NCOA6: variants seen among roughly 807,000 people sequenced by gnomAD.
NCOA6 encodes the protein nuclear receptor coactivator 6.
NCOA6 carries 49 observed loss-of-function variants against 171.4 expected under a neutral mutation model. The observed-to-expected ratio is 0.29, with a 90% CI of 0.23 to 0.36. The LOEUF (loss-of-function observed/expected upper bound fraction) is 0.36, where lower values mean the gene tolerates loss of function less well. NCOA6 is among the 10% of genes least tolerant of loss of function. NCOA6 has a pLI of 1.00. For synonymous variants in NCOA6, 910 were observed against 927.5 expected, an observed-to-expected ratio of 0.98 and a Z score of 0.34; for missense variants, 2,248 against 2,554.5, an observed-to-expected ratio of 0.88 and a Z score of 2.59.
chr20:34,719,586 G>A (rs1378331171), intron 14 of NCOA6, among the ~76,000 whole-genome samples: 3 of 149,928 alleles, frequency 2.0e-5, no homozygotes, highest in African/African-American at 4.9e-5. Context: ...AGTTCAGATC[G>A]CACCACTGCA....
chr20:34,797,518 T>C (rs2078115435), intron 1 of NCOA6, among the ~76,000 whole-genome samples: 1 of 152,042 alleles, frequency 6.6e-6, no homozygotes, highest in Admixed American at 6.6e-5. Flanking sequence ...TGAGACATGC[T>C]GTCTTCAAGC....
chr20:34,782,189 A>G lies in NCOA6; in HGVS notation c.167T>C (p.Ile56Thr), dbSNP rs1296146794. The G allele has an allele frequency of 5.6e-6, 9 of 1,612,480 alleles. No individual in the cohort carries two copies. Among genetic ancestry groups the G allele is most frequent in the South Asian group, 1.1e-5 (1 of 90,886 alleles). The change falls in exon 3 of 15, where the codon ATA (isoleucine) becomes ACA (threonine). Residue 56 changes from isoleucine to threonine, a missense_variant. By Grantham distance (89) the Ile-to-Thr change is moderately conservative. Transcript: ENST00000359003. ...STIFVAFKGN[I>T]DDKDFKWKLD... Reference sequence around the variant, plus strand: ...TTTCCATTTGAAGTCTTTATCATCTATATTTCCTTTGAAGGCCACAAAAAT... The same window carrying G: ...TTTCCATTTGAAGTCTTTATCATCTGTATTTCCTTTGAAGGCCACAAAAAT...
At position 34,727,363 on chromosome 20, in the gene NCOA6, C is replaced by T. The variant is rs747116291; in HGVS notation, c.6044G>A (p.Arg2015Gln). Residue 2015 changes from arginine to glutamine, a missense_variant, in exon 14 of 15, where the codon CGA becomes CAA. Coordinates refer to ENST00000359003, the MANE Select transcript of NCOA6 (RefSeq NM_014071.5). ...TGGCTCTTCAGTTCGGGAGTTTCTT[C>T]GGCCTGGGATTTTGGACTTTTCAAC... is the stretch of plus-strand genomic sequence containing the variant. ...EIVEKSKIPG[R>Q]RNSRTEEPTV... is the part of the protein sequence containing the mutation. 8.7e-6 allele frequency: 14 copies of T among 1,614,036 alleles called. No individual in the cohort carries two copies. Among genetic ancestry groups the T allele is most frequent in the East Asian group, 2.2e-5 (1 of 44,880 alleles).
chr20:34,791,995 G>A (rs977457791), intron 2 of NCOA6, among the ~76,000 whole-genome samples: 1 of 152,104 alleles, frequency 6.6e-6, no homozygotes, highest in Non-Finnish European at 1.5e-5. Context: ...CTAGGAGGGA[G>A]GGAAATAGAA....
intron 1 of NCOA6, chr20:34,819,971 T>C (rs1405641067): frequency 6.6e-6 from 1 of 152,154 alleles, no homozygotes; most frequent in African/African-American, 2.4e-5. Flanking sequence ...CAATAAATGA[T>C]GCTGGGATCA....
At chr20:34,780,301 T>A (rs2077476403) in intron 3 of NCOA6, among the ~76,000 whole-genome samples, 1 of 152,222 alleles carries the variant, frequency 6.6e-6, no homozygotes, top group East Asian at 1.9e-4. Context: ...CTTAAAATAT[T>A]TTTTGGACCA....
Position 34,816,513 on chromosome 20 carries a change from G to C in NCOA6, c.-164+8959C>G, listed in dbSNP as rs527616190. 7.9e-4 allele frequency among the ~76,000 whole-genome samples: 120 copies of C among 152,186 alleles called. 1 individual carries two copies. The highest frequency in any genetic ancestry group is 2.7e-3 in the African/African-American group (112 of 41,524). On this transcript the variant is annotated intron_variant, in intron 1 of 14. Transcript: ENST00000359003. The stretch of plus-strand genomic sequence containing the variant: ...AAGGAGCACCAAGAATTGATGGAAG[G>C]CTCAGCCTCTCAAGTAGGTGCGATT...
chr20:34,802,818 T>C (rs1001841296), intron 1 of NCOA6, among the ~76,000 whole-genome samples: 2 of 152,126 alleles, frequency 1.3e-5, no homozygotes, highest in Admixed American at 1.3e-4. Context: ...CATTTTTGTT[T>C]GTTTTAGTTT....
At chr20:34,822,346 TCA>T (rs1158071017) in intron 1 of NCOA6, among the ~76,000 whole-genome samples, 1 of 152,168 alleles carries the variant, frequency 6.6e-6, no homozygotes, top group African/African-American at 2.4e-5. Context: ...GGCCATGCTT[TCA>T]CACACATTCT....
Position 34,740,822 on chromosome 20 carries a change from A to T in NCOA6, c.5434T>A (p.Ser1812Thr). The T allele has an allele frequency of 1.9e-6, 3 of 1,614,204 alleles. No homozygotes were observed. In the South Asian group the frequency reaches 3.3e-5, roughly 18 times the overall value. Residue 1812 changes from serine to threonine, a missense_variant, in exon 11 of 15, where the codon TCG becomes ACG. By Grantham distance (58) the Ser-to-Thr change is moderately conservative. Coordinates refer to ENST00000359003, the MANE Select transcript of NCOA6 (RefSeq NM_014071.5). ...GSSGNRRSPV[S>T]SSKGKGKVDK... Reference sequence around the variant, plus strand: ...ACTTTTCCTTTGCCCTTACTAGACGAGACTGGGCTTCGCCGGTTGCCAGAG... The same window carrying T: ...ACTTTTCCTTTGCCCTTACTAGACGTGACTGGGCTTCGCCGGTTGCCAGAG...
chr20:34,733,961 G>C (rs1214302962), intron 12 of NCOA6, among the ~76,000 whole-genome samples: 2 of 149,576 alleles, frequency 1.3e-5, no homozygotes, highest in African/African-American at 4.9e-5. Flanking sequence ...ACAAAAAATA[G>C]ATACCAATTC....
chr20:34,743,278 T>A lies in NCOA6; in HGVS notation c.2978A>T (p.His993Leu). The change falls in exon 11 of 15, where the codon CAT becomes CTT. Residue 993 changes from histidine to leucine, a missense_variant. His to Leu is a moderately conservative substitution (Grantham distance 99). Transcript: ENST00000359003. ...TGGTGGCTGTGGTGGGGGTGCCACA[T>A]GCTGCATGAGTTGAGGAGGCATCTG... ...LQQMPPQLMQHVAPPPQPPQQ... is the reference protein window; with the variant it reads ...LQQMPPQLMQLVAPPPQPPQQ... 2 of 1,613,922 alleles carry A rather than the reference T, an allele frequency of 1.2e-6. No homozygotes were observed. The highest frequency in any genetic ancestry group is 1.7e-6 in the Non-Finnish European group (2 of 1,179,982).
rs1161201199 is a variant in NCOA6 at position 34,750,039 on chromosome 20, T to C, written c.2156A>G (p.Asn719Ser). ...QNPMIEQIMT[N>S]QMQGNKQQFN... is the part of the protein sequence containing the mutation. The stretch of plus-strand genomic sequence containing the variant: ...CTGCTGCTTATTCCCCTGCATTTGA[T>C]TGGTCATAATCTGCTCTATCATTGG... The change falls in exon 9 of 15, where the codon AAT becomes AGT. Residue 719 changes from asparagine to serine, a missense_variant. This residue lies in a region of NCOA6 where 987 missense variants were observed against 1,104.7 expected (regional missense o/e 0.89). Transcript: ENST00000359003. The C allele has an allele frequency of 6.2e-7, 1 of 1,614,254 alleles. No individual in the cohort carries two copies.
Position 34,790,127 on chromosome 20 carries a change from C to T in NCOA6, c.-50+2323G>A, listed in dbSNP as rs373242110. On this transcript the variant is annotated intron_variant, in intron 2 of 14. Coordinates refer to ENST00000359003, the MANE Select transcript of NCOA6 (RefSeq NM_014071.5). ...CTCTAAATTACACATATATTCACAGCAACATTATTCACAATAGCCAAAAAC... is the reference window on the plus strand; with the variant it reads ...CTCTAAATTACACATATATTCACAGTAACATTATTCACAATAGCCAAAAAC... Among the ~76,000 whole-genome samples, 18 of 149,846 alleles carry T rather than the reference C, an allele frequency of 1.2e-4. No individual in the cohort carries two copies. In the East Asian group the frequency reaches 2.0e-3, roughly 16 times the overall value.
chr20:34,808,733 C>G (rs2078547859), intron 1 of NCOA6, among the ~76,000 whole-genome samples: 1 of 152,156 alleles, frequency 6.6e-6, no homozygotes, highest in South Asian at 2.1e-4. Context: ...CCACAGTGCC[C>G]AGCCTTGTCT....
intron 8 of NCOA6, among the ~76,000 whole-genome samples, chr20:34,752,048 G>C (rs1222426286): frequency 6.6e-6 from 1 of 152,130 alleles, no homozygotes; most frequent in Admixed American, 6.6e-5. Context: ...AGTAGAGACA[G>C]GGTTTCAGCA....
intron 14 of NCOA6, 86 bp from the exon 15 acceptor site, chr20:34,715,451 C>G: frequency 1.1e-6 from 1 of 950,758 alleles, no homozygotes; most frequent in South Asian, 1.3e-5. Flanking sequence ...CAGGGCAGAC[C>G]TAAGGGGAGC....
chr20:34,774,084 G>A (rs2077235889), intron 4 of NCOA6, among the ~76,000 whole-genome samples: 1 of 152,136 alleles, frequency 6.6e-6, no homozygotes, highest in South Asian at 2.1e-4. Context: ...TAATGTTAAG[G>A]GAGAACCAGC....
At chr20:34,795,094 A>G (rs991851598) in intron 1 of NCOA6, among the ~76,000 whole-genome samples, 3 of 152,194 alleles carry the variant, frequency 2.0e-5, no homozygotes, top group African/African-American at 7.2e-5. Context: ...CCAGTTAATA[A>G]ATGTAGAAGC....
Sources: allele counts gnomAD v4.1 joint callset (sites outside exome capture counted in the v4.1 genomes callset), GRCh38; gene constraint gnomAD v4.1.1; regional missense constraint gnomAD v4.1.1; transcripts MANE v1.5; gene names NCBI Gene and HGNC (gene_info 2026-07-23, HGNC 2026-07-21).